LYRM7: variants seen among roughly 807,000 people sequenced by gnomAD.
The protein encoded by LYRM7 is LYR motif containing 7.
Under a neutral mutation model 15.8 loss-of-function variants are expected in LYRM7, and 9 were observed. That is an observed-to-expected ratio of 0.57 (90% CI 0.34 to 0.99). The LOEUF is 0.99. LYRM7 is among the 50% of genes least tolerant of loss of function. The pLI, the probability that LYRM7 is intolerant of heterozygous loss-of-function variation, is 0.02. For missense variants in LYRM7, 115 were observed against 119.1 expected, an observed-to-expected ratio of 0.97 and a Z score of 0.16; for synonymous variants, 39 against 39.4, an observed-to-expected ratio of 0.99 and a Z score of 0.04.
chr5:131,171,166 C>T, intron 1 of LYRM7, 128 bp downstream of exon 1: 2 of 960,698 alleles, frequency 2.1e-6, no homozygotes, highest in Non-Finnish European at 2.9e-6. Flanking sequence ...GGCTGTTACC[C>T]CAGAGAAGCC....
At chr5:131,184,575 C>T (rs957285136) in intron 3 of LYRM7, among the ~76,000 whole-genome samples, 4 of 151,004 alleles carry the variant, frequency 2.6e-5, no homozygotes, top group African/African-American at 9.8e-5. Flanking sequence ...CACTCTGTCA[C>T]CCAGTTAAAG....
chr5:131,196,242 CTACCGCTCGGGCA>C (rs1339248657), intron 4 of LYRM7, among the ~76,000 whole-genome samples: 1 of 151,444 alleles, frequency 6.6e-6, no homozygotes, highest in Non-Finnish European at 1.5e-5. Flanking sequence ...ATAGCTGGGA[CTACCGCTCGGGCA>C]ATCCAACCAC....
chr5:131,177,305 A>G (rs565254279), intron 1 of LYRM7, among the ~76,000 whole-genome samples: 12 of 152,030 alleles, frequency 7.9e-5, no homozygotes, highest in African/African-American at 2.7e-4. Flanking sequence ...GTCCTTCCCC[A>G]TGGTCTTTGC....
At chr5:131,173,617 G>GT (rs1755556367) in intron 1 of LYRM7, among the ~76,000 whole-genome samples, 1 of 152,130 alleles carries the variant, frequency 6.6e-6, no homozygotes, top group South Asian at 2.1e-4. Flanking sequence ...GGTGGCACTT[G>GT]TCTGTAATCC....
chr5:131,181,482 A>G (rs1755713240), intron 2 of LYRM7, among the ~76,000 whole-genome samples: 2 of 112,388 alleles, frequency 1.8e-5, no homozygotes, highest in Non-Finnish European at 3.9e-5. Context: ...TATATAACAT[A>G]TATATGTATA....
At chr5:131,188,505 A>T (rs1755833560) in intron 4 of LYRM7, among the ~76,000 whole-genome samples, 1 of 151,210 alleles carries the variant, frequency 6.6e-6, no homozygotes, top group Non-Finnish European at 1.5e-5. Context: ...CTAATGAATG[A>T]TGAGGACCTT....
Position 131,203,069 on chromosome 5 carries a change from A to G in LYRM7, c.*3468A>G, listed in dbSNP as rs1232659293. The G allele has an allele frequency of 1.3e-5, 2 of 152,362 alleles. No individual in the cohort carries two copies. Among genetic ancestry groups the G allele is most frequent in the African/African-American group, 4.8e-5 (2 of 41,456 alleles). The allele number at this position is 152,362 out of a possible 1,614,324, so 9.4% of individuals were successfully genotyped here. A position where few individuals can be genotyped will look rare whatever the true frequency, so the allele number is the denominator to read the frequency against. On this transcript the variant is annotated 3_prime_UTR_variant, in exon 5 of 5. Transcript: ENST00000379380. ...CAAAAAAGCACACAAGAATAAGAAT[A>G]TGTGGAATTTCTATACCTATTGACA...
chr5:131,191,639 G>GA (rs1378121442), intron 4 of LYRM7, among the ~76,000 whole-genome samples: 2 of 151,852 alleles, frequency 1.3e-5, no homozygotes, highest in Non-Finnish European at 2.9e-5. Context: ...ACAAGTATAT[G>GA]AAAAAATACG....
Position 131,181,668 on chromosome 5 carries a change from C to A in LYRM7, c.92-561C>A, listed in dbSNP as rs192701093. ...AAACGCTCACAGCAGCACAATAAGACCAGTGAGATTCTACCAAAGTATGCT... is the reference window on the plus strand; with the variant it reads ...AAACGCTCACAGCAGCACAATAAGAACAGTGAGATTCTACCAAAGTATGCT... On this transcript the variant is annotated intron_variant, in intron 2 of 4. Transcript: ENST00000379380. 3.6e-3 allele frequency among the ~76,000 whole-genome samples: 541 copies of A among 151,444 alleles called. 3 individuals are homozygous for A. Among genetic ancestry groups the A allele is most frequent in the African/African-American group, 0.013 (525 of 41,322 alleles).
chr5:131,179,228 C>G (rs979484655), intron 1 of LYRM7, among the ~76,000 whole-genome samples: 1 of 151,820 alleles, frequency 6.6e-6, no homozygotes, highest in Non-Finnish European at 1.5e-5. Context: ...TTTCAAAGAA[C>G]TTTGTATTAT....
chr5:131,184,643 G>T lies in LYRM7; in HGVS notation c.162+2344G>T, dbSNP rs866879836. Among the ~76,000 whole-genome samples, 17 of 137,954 alleles carry T rather than the reference G, an allele frequency of 1.2e-4. 1 individual carries two copies. The highest frequency in any genetic ancestry group is 3.8e-4 in the African/African-American group (11 of 29,246). The allele number at this position is 137,954 out of a possible 152,430, so 90.5% of individuals were successfully genotyped here. On this transcript the variant is annotated intron_variant, in intron 3 of 4. Transcript: ENST00000379380. ...AGACAAATGGAATTTTTTTTGGCGG[G>T]GGGGGGGTTCCAGGATTCATGCAGA...
rs568699808 is a variant in LYRM7 at position 131,203,663 on chromosome 5, A to T, written c.*4062A>T. 1 of 152,576 alleles carries T rather than the reference A, an allele frequency of 6.6e-6. No individual in the cohort carries two copies. The highest frequency in any genetic ancestry group is 6.5e-5 in the Admixed American group (1 of 15,310). 9.5% of individuals were successfully genotyped at this position (152,576 alleles called of 1,614,324 possible). A position where few individuals can be genotyped will look rare whatever the true frequency, so the allele number is the denominator to read the frequency against. ...AGCCGAGATCGCACCATTGCACTCCAGCCTAGGCAACAAGAGCGAAACTCC... is the reference window on the plus strand; with the variant it reads ...AGCCGAGATCGCACCATTGCACTCCTGCCTAGGCAACAAGAGCGAAACTCC... On this transcript the variant is annotated 3_prime_UTR_variant, in exon 5 of 5. Coordinates refer to ENST00000379380, the MANE Select transcript of LYRM7 (RefSeq NM_181705.4).
Position 131,181,474 on chromosome 5 carries a change from TATAAC to T in LYRM7, c.92-751_92-747del, listed in dbSNP as rs1456579804. On this transcript the variant is annotated intron_variant, in intron 2 of 4. Transcript: ENST00000379380. ...TATAAAACATATATATGTATATATATATAACATATATATGTATATATACACACACA... is the reference window on the plus strand; with the variant it reads ...TATAAAACATATATATGTATATATATATATATATGTATATATACACACACA... 3.0e-4 allele frequency among the ~76,000 whole-genome samples: 39 copies of T among 129,874 alleles called. 1 individual carries two copies. The highest frequency in any genetic ancestry group is 1.1e-3 in the African/African-American group (36 of 34,164). 85.2% of individuals were successfully genotyped at this position (129,874 alleles called of 152,430 possible).
In LYRM7 at chr5:131,204,140, C is replaced by T. The variant is rs1756127752; in HGVS notation, c.*4539C>T. On this transcript the variant is annotated 3_prime_UTR_variant, in exon 5 of 5. Coordinates refer to ENST00000379380, the MANE Select transcript of LYRM7 (RefSeq NM_181705.4). ...TAGAGACAAGATCTCTCCGTGTTGTCTAGGCTGGACTCAAACTTCTGGACT... is the reference window on the plus strand; with the variant it reads ...TAGAGACAAGATCTCTCCGTGTTGTTTAGGCTGGACTCAAACTTCTGGACT... 1 of 149,756 alleles carries T rather than the reference C, an allele frequency of 6.7e-6. No individual in the cohort carries two copies. The highest frequency in any genetic ancestry group is 6.7e-5 in the Admixed American group (1 of 15,030). 9.3% of individuals were successfully genotyped at this position (149,756 alleles called of 1,614,324 possible).
chr5:131,204,987 A>G lies in LYRM7; in HGVS notation c.*5386A>G, dbSNP rs1756153404. ...CAACATGTAAGTGTTAAAAGACAAT[A>G]AGCTACTAGTGATTTTTAATATAAA... On this transcript the variant is annotated 3_prime_UTR_variant, in exon 5 of 5. Coordinates refer to ENST00000379380, the MANE Select transcript of LYRM7 (RefSeq NM_181705.4). 6.6e-6 allele frequency: 1 copy of G among 152,294 alleles called. No individual in the cohort carries two copies. The allele number at this position is 152,294 out of a possible 1,614,324, so 9.4% of individuals were successfully genotyped here. A position where few individuals can be genotyped will look rare whatever the true frequency, so the allele number is the denominator to read the frequency against.
At position 131,187,200 on chromosome 5, in the gene LYRM7, A is replaced by G. The variant is rs927896355; in HGVS notation, c.244+91A>G. On this transcript the variant is annotated intron_variant, in intron 4 of 4. Coordinates refer to ENST00000379380, the MANE Select transcript of LYRM7 (RefSeq NM_181705.4). Reference sequence around the variant, plus strand: ...CACATGTAATGCTGAGTGATAAAACAGCTTGATTTTGCCAGACAATATGGT... The same window carrying G: ...CACATGTAATGCTGAGTGATAAAACGGCTTGATTTTGCCAGACAATATGGT... The G allele has an allele frequency of 5.4e-5, 39 of 728,524 alleles. No individual in the cohort carries two copies. In the Admixed American group the frequency reaches 1.0e-3, roughly 19 times the overall value. 45.1% of individuals were successfully genotyped at this position (728,524 alleles called of 1,614,324 possible). A position where few individuals can be genotyped will look rare whatever the true frequency, so the allele number is the denominator to read the frequency against.
intron 1 of LYRM7, among the ~76,000 whole-genome samples, chr5:131,173,308 G>T (rs764572796): frequency 3.3e-5 from 5 of 152,208 alleles, no homozygotes; most frequent in African/African-American, 7.2e-5. Context: ...AGGTGATGCT[G>T]CAGGTTTGGT....
chr5:131,191,891 A>G (rs6880300), intron 4 of LYRM7, among the ~76,000 whole-genome samples: 45,813 of 151,906 alleles, frequency 0.3, 10,834 homozygotes, highest in African/African-American at 0.66. Context: ...TCCTCTACTG[A>G]GTATGTATCC....
At position 131,202,487 on chromosome 5, in the gene LYRM7, C is replaced by A. The variant is rs2149668176; in HGVS notation, c.*2886C>A. The A allele has an allele frequency of 6.6e-6, 1 of 152,126 alleles. No homozygotes were observed. Among genetic ancestry groups the A allele is most frequent in the South Asian group, 2.1e-4 (1 of 4,834 alleles). 9.4% of individuals were successfully genotyped at this position (152,126 alleles called of 1,614,324 possible). A position where few individuals can be genotyped will look rare whatever the true frequency, so the allele number is the denominator to read the frequency against. On this transcript the variant is annotated 3_prime_UTR_variant, in exon 5 of 5. Coordinates refer to ENST00000379380, the MANE Select transcript of LYRM7 (RefSeq NM_181705.4). ...CCAGCCTGAGAGAACAAGACTCCGT[C>A]TCAAAAAAAGAAAAAAAGAAAACTT... is the stretch of plus-strand genomic sequence containing the variant.
Sources: allele counts gnomAD v4.1 joint callset (sites outside exome capture counted in the v4.1 genomes callset), GRCh38; gene constraint gnomAD v4.1.1; transcripts MANE v1.5; gene names NCBI Gene and HGNC (gene_info 2026-07-23, HGNC 2026-07-21).